ADRA1D: variants seen among roughly 807,000 people sequenced by gnomAD.
The protein encoded by ADRA1D is alpha-1D adrenergic receptor.
Under a neutral mutation model 18.6 loss-of-function variants are expected in ADRA1D, and 22 were observed. The observed-to-expected ratio is 1.19, with a 90% confidence interval of 0.85 to 1.69. The LOEUF is 1.69. Ranked by LOEUF, ADRA1D falls within the 40% of genes most tolerant of loss-of-function variation. The probability of loss-of-function intolerance (pLI) is 0.00; values close to 1 mark genes in which losing one functional copy is unlikely to be tolerated. For missense variants in ADRA1D, 840 were observed against 840.7 expected (o/e 1.00, Z 0.01); for synonymous variants, 376 against 388.2 (o/e 0.97, Z 0.37).
rs143848771 is a variant in ADRA1D at position 4,226,674 on chromosome 20, G to A, written c.1112-4544C>T. ...AAAGTCCCTGGGCAAAGAAATGCAG[G>A]CAAGTGCTCTAACAGAATTTGGCCC... is the stretch of plus-strand genomic sequence containing the variant. On this transcript the variant is annotated intron_variant, in intron 1 of 1. Transcript: ENST00000379453. 2.0e-3 allele frequency among the ~76,000 whole-genome samples: 305 copies of A among 152,312 alleles called. 1 individual carries two copies. The highest frequency in any genetic ancestry group is 7.1e-3 in the African/African-American group (295 of 41,556).
chr20:4,248,832 C>G lies in ADRA1D; in HGVS notation c.126G>C (p.Ala42=), dbSNP rs969899879. ...AGGAAPSEGP[A]VGGVPGGAGG... Reference sequence around the variant, plus strand: ...CCGCGCCCCCCGGCACGCCGCCCACCGCCGGGCCCTCCGAGGGGGCCGCGC... The same window carrying G: ...CCGCGCCCCCCGGCACGCCGCCCACGGCCGGGCCCTCCGAGGGGGCCGCGC... Residue 42 remains alanine (A), a synonymous_variant, in exon 1 of 2, where the codon GCG becomes GCC. Coordinates refer to ENST00000379453, the MANE Select transcript of ADRA1D (RefSeq NM_000678.4). 1.8e-4 allele frequency: 184 copies of G among 1,008,918 alleles called. No homozygotes were observed. The highest frequency in any genetic ancestry group is 2.1e-4 in the Non-Finnish European group (177 of 843,302). 62.5% of individuals were successfully genotyped at this position (1,008,918 alleles called of 1,614,324 possible).
Position 4,248,281 on chromosome 20 carries a change from A to C in ADRA1D, c.677T>G (p.Val226Gly). ...GCCCAGCAGGGGCCCTACGGACACC[A>C]CCAGGGCTACGACCCAGAGCAGGGC... ...ILALLWVVALVVSVGPLLGWK... is the reference protein window; with the variant it reads ...ILALLWVVALGVSVGPLLGWK... Residue 226 changes from valine to glycine, a missense_variant, in exon 1 of 2, where the codon GTG becomes GGG. By Grantham distance (109) the Val-to-Gly change is moderately radical (BLOSUM62 -3). Coordinates refer to ENST00000379453, the MANE Select transcript of ADRA1D (RefSeq NM_000678.4). 1 of 1,608,380 alleles carries C rather than the reference A, an allele frequency of 6.2e-7. No homozygotes were observed. Among genetic ancestry groups the C allele is most frequent in the Non-Finnish European group, 8.5e-7 (1 of 1,177,736 alleles).
chr20:4,227,770 CTCTT>C lies in ADRA1D; in HGVS notation c.1112-5644_1112-5641del, dbSNP rs768105285. Reference sequence around the variant, plus strand: ...TCCTTCTTCTCTCTCTCTCTTTCTTCTCTTTCTTTCTTTTTTTTTGACATGGGGG... The same window carrying C: ...TCCTTCTTCTCTCTCTCTCTTTCTTCTCTTTCTTTTTTTTTGACATGGGGG... On this transcript the variant is annotated intron_variant, in intron 1 of 1. Transcript: ENST00000379453. Among the ~76,000 whole-genome samples, 25 of 132,506 alleles carry C rather than the reference CTCTT, an allele frequency of 1.9e-4. No individual in the cohort carries two copies. The East Asian group carries it at 2.3e-3, about 12-fold the overall frequency. 86.9% of individuals were successfully genotyped at this position (132,506 alleles called of 152,430 possible).
At chr20:4,240,325 T>A (rs1195669030) in intron 1 of ADRA1D, among the ~76,000 whole-genome samples, 3 of 152,044 alleles carry the variant, frequency 2.0e-5, no homozygotes, top group Non-Finnish European at 4.4e-5. Context: ...ACCAAAAATT[T>A]ACGAGGCAGC....
Position 4,248,101 on chromosome 20 carries a change from C to G in ADRA1D, c.857G>C (p.Arg286Pro). ...RVYVVARSTT[R>P]SLEAGVKRER... ...GCGCTTGACGCCCGCCTCGAGGCTG[C>G]GCGTGGTGCTGCGCGCGACCACGTA... The change falls in exon 1 of 2, where the codon CGC (arginine) becomes CCC (proline). Residue 286 changes from arginine to proline, a missense_variant. Physicochemically the swap from Arg to Pro is moderately radical, Grantham distance 103. Coordinates refer to ENST00000379453, the MANE Select transcript of ADRA1D (RefSeq NM_000678.4). The G allele has an allele frequency of 6.4e-7, 1 of 1,556,728 alleles. No individual in the cohort carries two copies. The highest frequency in any genetic ancestry group is 8.7e-7 in the Non-Finnish European group (1 of 1,150,504).
intron 1 of ADRA1D, among the ~76,000 whole-genome samples, chr20:4,225,682 C>G (rs1450193813): frequency 6.6e-6 from 1 of 152,038 alleles, no homozygotes; most frequent in Non-Finnish European, 1.5e-5. Context: ...TCCCAAAGTG[C>G]TGGGATTACA....
intron 1 of ADRA1D, among the ~76,000 whole-genome samples, chr20:4,225,163 A>G (rs1468753512): frequency 6.6e-6 from 1 of 151,150 alleles, no homozygotes; most frequent in Non-Finnish European, 1.5e-5. Flanking sequence ...CACCATGCCC[A>G]GCTAATTTTT....
chr20:4,221,933 G>T lies in ADRA1D; in HGVS notation c.1309C>A (p.His437Asn), dbSNP rs982328949. ...RRPLWRVYGH[H>N]WRASTSGLRQ... Reference sequence around the variant, plus strand: ...AGGCCGCTGGTGGAGGCCCGCCAGTGGTGGCCGTAGACACGCCAGAGAGGG... The same window carrying T: ...AGGCCGCTGGTGGAGGCCCGCCAGTTGTGGCCGTAGACACGCCAGAGAGGG... Residue 437 changes from histidine to asparagine, a missense_variant, in exon 2 of 2, where the codon CAC (histidine) becomes AAC (asparagine). By Grantham distance (68) the His-to-Asn change is moderately conservative. Transcript: ENST00000379453. The T allele has an allele frequency of 9.1e-6, 14 of 1,535,796 alleles. No individual in the cohort carries two copies. The African/African-American group carries it at 1.7e-4, about 18-fold the overall frequency.
chr20:4,232,087 T>C (rs1267071675), intron 1 of ADRA1D, among the ~76,000 whole-genome samples: 1 of 147,372 alleles, frequency 6.8e-6, no homozygotes, highest in Non-Finnish European at 1.5e-5. Flanking sequence ...TAATTTTCTG[T>C]ATTTTTAGTA....
chr20:4,242,498 T>C (rs1981235737), intron 1 of ADRA1D, among the ~76,000 whole-genome samples: 1 of 152,330 alleles, frequency 6.6e-6, no homozygotes, highest in African/African-American at 2.4e-5. Context: ...TAAAAGTACA[T>C]GCAGAGTGTT....
rs1373762353 is a variant in ADRA1D at position 4,221,231 on chromosome 20, G to T, written c.*292C>A. The T allele has an allele frequency of 3.1e-6, 1 of 318,672 alleles. No homozygotes were observed. The highest frequency in any genetic ancestry group is 5.6e-5 in the East Asian group (1 of 17,704). The allele number at this position is 318,672 out of a possible 1,614,324, so 19.7% of individuals were successfully genotyped here. A position where few individuals can be genotyped will look rare whatever the true frequency, so the allele number is the denominator to read the frequency against. On this transcript the variant is annotated 3_prime_UTR_variant, in exon 2 of 2. Transcript: ENST00000379453. ...CAGGGTTCAGGGCATGGAGGATGGG[G>T]CAGTGTTTCTCAAATAGGGATTGGG...
chr20:4,238,738 A>G (rs1163782526), intron 1 of ADRA1D, among the ~76,000 whole-genome samples: 1 of 152,218 alleles, frequency 6.6e-6, no homozygotes, highest in African/African-American at 2.4e-5. Context: ...CCATGAAAAT[A>G]GGCAGATGCT....
chr20:4,230,234 A>G (rs934437322), intron 1 of ADRA1D, among the ~76,000 whole-genome samples: 5 of 152,042 alleles, frequency 3.3e-5, no homozygotes, highest in African/African-American at 1.2e-4. Flanking sequence ...GTCATGATGC[A>G]TTTGTCTATC....
chr20:4,224,376 A>G (rs1305100692), intron 1 of ADRA1D, among the ~76,000 whole-genome samples: 1 of 152,034 alleles, frequency 6.6e-6, no homozygotes, highest in Non-Finnish European at 1.5e-5. Context: ...TGTGCCAGGA[A>G]GACCCTCCTT....
intron 1 of ADRA1D, among the ~76,000 whole-genome samples, chr20:4,225,659 G>A (rs187077745): frequency 2.6e-5 from 4 of 151,674 alleles, no homozygotes; most frequent in South Asian, 2.1e-4. Flanking sequence ...CAAGTGATCC[G>A]CCTGCCTCAG....
chr20:4,244,833 C>A (rs1452728572), intron 1 of ADRA1D, among the ~76,000 whole-genome samples: 1 of 152,210 alleles, frequency 6.6e-6, no homozygotes, highest in African/African-American at 2.4e-5. Context: ...CCTTGTTTGG[C>A]CTCTGTCCTG....
At position 4,221,876 on chromosome 20, in the gene ADRA1D, C is replaced by T. The variant is rs1233125971; in HGVS notation, c.1366G>A (p.Ala456Thr). The T allele has an allele frequency of 2.0e-6, 3 of 1,467,048 alleles. No homozygotes were observed. In the East Asian group the frequency reaches 8.1e-5, roughly 39 times the overall value. The allele number at this position is 1,467,048 out of a possible 1,614,324, so 90.9% of individuals were successfully genotyped here. A position where few individuals can be genotyped will look rare whatever the true frequency, so the allele number is the denominator to read the frequency against. ...AGGGCCAGCGGCGCTCCGGGGGGCG[C>T]GTCGCCCGAACTCGGGGCGCAGTCC... Reference protein sequence around the residue: ...RQDCAPSSGDAPPGAPLALTA... With the variant: ...RQDCAPSSGDTPPGAPLALTA... Residue 456 changes from alanine (A) to threonine (T), a missense_variant, in exon 2 of 2, where the codon GCG becomes ACG. Coordinates refer to ENST00000379453, the MANE Select transcript of ADRA1D (RefSeq NM_000678.4).
chr20:4,227,894 A>G (rs111635747), intron 1 of ADRA1D, among the ~76,000 whole-genome samples: 4,484 of 151,606 alleles, frequency 0.03, 200 homozygotes, highest in African/African-American at 0.1. Context: ...GGCGTGAGCC[A>G]CTGCTCCTGG....
At chr20:4,227,751 TTCTC>T (rs1241724714) in intron 1 of ADRA1D, among the ~76,000 whole-genome samples, 3 of 76,848 alleles carry the variant, frequency 3.9e-5, no homozygotes, top group African/African-American at 1.1e-4. Context: ...TCCTTCCTTC[TTCTC>T]TCTCTCTCTT....
Sources: allele counts gnomAD v4.1 joint callset (sites outside exome capture counted in the v4.1 genomes callset), GRCh38; gene constraint gnomAD v4.1.1; transcripts MANE v1.5; gene names NCBI Gene and HGNC (gene_info 2026-07-23, HGNC 2026-07-21).